The following MYH9 variants were observed in gnomAD, a reference collection of about 807,000 sequenced individuals.
MYH9 encodes the protein myosin heavy chain 9, also known as myosin-9.
Under a neutral mutation model 241.9 loss-of-function variants are expected in MYH9, and 29 were observed. That is an observed-to-expected ratio of 0.12 (90% CI 0.09 to 0.16). The LOEUF (loss-of-function observed/expected upper bound fraction) is 0.16, where lower values mean the gene tolerates loss of function less well. Among genes scored for constraint, MYH9 ranks in the 10% least tolerant of loss-of-function variants. MYH9 has a pLI of 1.00. For missense variants in MYH9, 1,803 were observed against 2,595.5 expected (o/e 0.69, Z 6.63); for synonymous variants, 1,047 against 1,062.6 (o/e 0.99, Z 0.29).
At chr22:36,326,692 TAGGCATG>T in intron 4 of MYH9, 31 bp from the exon 5 acceptor site, 1 of 1,586,018 alleles carries the variant, frequency 6.3e-7, no homozygotes. Flanking sequence ...GTCCCGGGCT[TAGGCATG>T]GCCAAGTCCT....
intron 1 of MYH9, among the ~76,000 whole-genome samples, chr22:36,369,929 T>C (rs187086065): frequency 3.0e-4 from 46 of 152,364 alleles, no homozygotes; most frequent in Middle Eastern, 6.8e-3. Flanking sequence ...GCCACCTTCA[T>C]GGGATTGAGA....
intron 12 of MYH9, among the ~76,000 whole-genome samples, chr22:36,314,640 GTTTTTT>G (rs371769551): frequency 6.7e-6 from 1 of 149,922 alleles, no homozygotes; most frequent in Non-Finnish European, 1.5e-5. Context: ...GTAATACATT[GTTTTTT>G]TTTTTTATTT....
At chr22:36,297,099 C>T (rs2016801114) in intron 24 of MYH9, 85 bp from the exon 25 acceptor site, 1 of 1,443,936 alleles carries the variant, frequency 6.9e-7, no homozygotes, top group East Asian at 2.4e-5. Context: ...ACTGAGCACT[C>T]GTTATGAAAC....
chr22:36,332,662 A>G (rs1006078672), intron 3 of MYH9, among the ~76,000 whole-genome samples: 1 of 13,996 alleles, frequency 7.1e-5, no homozygotes, highest in East Asian at 0.036. Flanking sequence ...CTGGATAATT[A>G]AAAAAAAAAA....
rs1200639644 is a variant in MYH9 at position 36,300,890 on chromosome 22, G to A, written c.2799C>T (p.His933=). ...GCATCTTCTTCTTCTCCGCCTGCAG[G>A]TGCTGGCAGCGCTCCTCCTCCTCCT... The part of the protein sequence containing the change: ...RVEEEEERCQ[H]LQAEKKKMQQ... The change falls in exon 22 of 41, where the codon CAC becomes CAT. Residue 933 remains histidine (H), a synonymous_variant. Coordinates refer to ENST00000216181, the MANE Select transcript of MYH9 (RefSeq NM_002473.6). The surrounding 1 kb of genome is among the most constrained non-coding windows in gnomAD (Gnocchi z 5.0). 1.9e-6 allele frequency: 3 copies of A among 1,605,174 alleles called. No individual in the cohort carries two copies. The highest frequency in any genetic ancestry group is 1.1e-5 in the South Asian group (1 of 91,076).
At position 36,282,079 on chromosome 22, in the gene MYH9, C is replaced by T. The variant is rs116572976; in HGVS notation, c.*589G>A. On this transcript the variant is annotated 3_prime_UTR_variant, in exon 41 of 41. Coordinates refer to ENST00000216181, the MANE Select transcript of MYH9 (RefSeq NM_002473.6). The stretch of plus-strand genomic sequence containing the variant: ...GTGGGGAGGAATCCACTCCTCCCCC[C>T]ACCCCAGCCTTCTGTGCCCTGCACA... 960 of 237,354 alleles carry T rather than the reference C, an allele frequency of 4.0e-3. 8 individuals are homozygous for T. The highest frequency in any genetic ancestry group is 0.02 in the African/African-American group (888 of 45,400). The allele number at this position is 237,354 out of a possible 1,614,324, so 14.7% of individuals were successfully genotyped here.
At chr22:36,290,027 G>C (rs919295844) in intron 31 of MYH9, among the ~76,000 whole-genome samples, 7 of 152,250 alleles carry the variant, frequency 4.6e-5, no homozygotes, top group African/African-American at 1.4e-4. Flanking sequence ...TTGGCTGCCC[G>C]ATGTCTTCTA....
intron 2 of MYH9, among the ~76,000 whole-genome samples, chr22:36,343,712 A>C (rs1346028593): frequency 1.3e-5 from 2 of 152,208 alleles, no homozygotes; most frequent in Non-Finnish European, 1.5e-5. Context: ...GAAAGCTCTG[A>C]AGAAGTGTAA....
rs142155458 is a variant in MYH9 at position 36,341,485 on chromosome 22, C to T, written c.375G>A (p.Lys125=). 9 of 1,614,162 alleles carry T rather than the reference C, an allele frequency of 5.6e-6. No homozygotes were observed. Among genetic ancestry groups the T allele is most frequent in the Non-Finnish European group, 6.8e-6 (8 of 1,180,036 alleles). The part of the protein sequence containing the change: ...GLFCVVINPY[K]NLPIYSEEIV... ...TCTCTTCAGAGTAGATGGGCAGGTT[C>T]TTGTAAGGATTGATGACCACACAGA... is the stretch of plus-strand genomic sequence containing the variant. Residue 125 remains lysine (K), a synonymous_variant, in exon 3 of 41, where the codon AAG becomes AAA. Transcript: ENST00000216181.
chr22:36,305,677 C>T lies in MYH9; in HGVS notation c.2159+253G>A, dbSNP rs150663426. Among the ~76,000 whole-genome samples the T allele has an allele frequency of 1.3e-4, 20 of 152,282 alleles. No individual in the cohort carries two copies. Among genetic ancestry groups the T allele is most frequent in the Admixed American group, 6.5e-5 (1 of 15,292 alleles). ...TAACTGTAGCAAATAGCACCAGGGC[C>T]GGCAGTTACTAGGAGCAAAAGTCAA... is the stretch of plus-strand genomic sequence containing the variant. On this transcript the variant is annotated intron_variant, in intron 17 of 40. Transcript: ENST00000216181. The surrounding 1 kb of genome is among the most constrained non-coding windows in gnomAD (Gnocchi z 4.7).
intron 40 of MYH9, 101 bp from the exon 41 acceptor site, chr22:36,282,886 A>C: frequency 9.3e-7 from 1 of 1,080,808 alleles, no homozygotes; most frequent in African/African-American, 1.6e-5. Context: ...GAGGGAAACC[A>C]GGTGCCTGGC....
intron 38 of MYH9, 95 bp from the exon 39 acceptor site, chr22:36,284,606 C>T: frequency 8.2e-7 from 1 of 1,217,518 alleles, no homozygotes; most frequent in Non-Finnish European, 1.2e-6. Flanking sequence ...CCGGGGCTCA[C>T]TGGCATCTAG....
intron 21 of MYH9, among the ~76,000 whole-genome samples, 191 bp downstream of exon 21, chr22:36,301,343 G>GCCT (rs1316682420): frequency 1.3e-5 from 2 of 152,148 alleles, no homozygotes; most frequent in East Asian, 3.9e-4. Flanking sequence ...CTATTAAGTG[G>GCCT]CCTCCCTACA....
intron 15 of MYH9, among the ~76,000 whole-genome samples, chr22:36,307,416 A>T (rs758259464): frequency 1.3e-5 from 2 of 152,228 alleles, no homozygotes; most frequent in African/African-American, 2.4e-5. Context: ...AGTTTAAGCA[A>T]GAGCTAATGT....
At chr22:36,354,645 T>G (rs1436094217) in intron 1 of MYH9, among the ~76,000 whole-genome samples, 2 of 151,720 alleles carry the variant, frequency 1.3e-5, no homozygotes, top group African/African-American at 4.8e-5. Context: ...GGTTTCACCA[T>G]GTTGGCCAGG....
Position 36,306,740 on chromosome 22 carries a change from C to T in MYH9, c.1844-133G>A. ...CAGAATGAAACAACAGGACCCTTTC[C>T]AATTGGAGCCTACACTGGGTGCTAA... On this transcript the variant is annotated intron_variant, in intron 15 of 40. Transcript: ENST00000216181. This position sits in a 1 kb window ranked among gnomAD's most constrained non-coding sequence, Gnocchi z 4.1. 1.1e-6 allele frequency: 1 copy of T among 932,568 alleles called. No individual in the cohort carries two copies. The highest frequency in any genetic ancestry group is 1.7e-6 in the Non-Finnish European group (1 of 598,606). 57.8% of individuals were successfully genotyped at this position (932,568 alleles called of 1,614,324 possible). A position where few individuals can be genotyped will look rare whatever the true frequency, so the allele number is the denominator to read the frequency against.
chr22:36,325,476 T>C (rs537749173), intron 5 of MYH9, among the ~76,000 whole-genome samples: 1 of 152,302 alleles, frequency 6.6e-6, no homozygotes, highest in South Asian at 2.1e-4. Flanking sequence ...GCACTTAGCT[T>C]TCACAGGGGA....
At chr22:36,343,481 G>A (rs749703888) in intron 2 of MYH9, among the ~76,000 whole-genome samples, 37 of 151,136 alleles carry the variant, frequency 2.4e-4, no homozygotes, top group African/African-American at 7.6e-4. Context: ...CCAGGAGTTC[G>A]AGGTTGCAGT....
chr22:36,346,493 C>T (rs1442584786), intron 2 of MYH9, among the ~76,000 whole-genome samples: 2 of 152,212 alleles, frequency 1.3e-5, no homozygotes, highest in African/African-American at 4.8e-5. Flanking sequence ...GTCTCTGTAA[C>T]AGAATGAGCC....
Sources: gnomAD v4.1 joint callset for allele counts (sites outside exome capture counted in the v4.1 genomes callset) on GRCh38, gnomAD v4.1.1 for gene constraint, Gnocchi (gnomAD v3.1) non-coding constraint, MANE v1.5 for transcripts, NCBI Gene and HGNC (gene_info 2026-07-23, HGNC 2026-07-21) for gene names.